The following ZNF804B variants were observed in gnomAD, a reference collection of about 807,000 sequenced individuals.
The protein encoded by ZNF804B is zinc finger 804B.
A neutral mutation model predicts 101.4 loss-of-function variants in ZNF804B; 80 were observed. The ratio of observed to expected loss-of-function variants is 0.79; its 90% CI spans 0.66 to 0.95. The LOEUF is 0.95. Ranked by LOEUF, ZNF804B falls within the 40% of genes least tolerant of loss-of-function variation. The pLI is 0.00. For synonymous variants in ZNF804B, 622 were observed against 558.8 expected, an observed-to-expected ratio of 1.11 and a Z score of -1.59; for missense variants, 1,673 against 1,561.9, an observed-to-expected ratio of 1.07 and a Z score of -1.20.
At chr7:89,060,567 A>C (rs1420851753) in intron 1 of ZNF804B, among the ~76,000 whole-genome samples, 1 of 152,156 alleles carries the variant, frequency 6.6e-6, no homozygotes, top group Non-Finnish European at 1.5e-5. Flanking sequence ...ATCACAGAAG[A>C]GGAGAAAATG....
chr7:89,217,002 T>C (rs1394069149), intron 1 of ZNF804B, among the ~76,000 whole-genome samples: 2 of 152,198 alleles, frequency 1.3e-5, no homozygotes, highest in Non-Finnish European at 2.9e-5. Context: ...ATATAAACCA[T>C]GATTATCCAT....
At chr7:89,003,991 A>C (rs1306225367) in intron 1 of ZNF804B, among the ~76,000 whole-genome samples, 1 of 151,500 alleles carries the variant, frequency 6.6e-6, no homozygotes, top group African/African-American at 2.4e-5. Flanking sequence ...TATTTAAATT[A>C]AAAAGTATGT....
At chr7:89,168,682 C>CTTTTTTT (rs372503661) in intron 1 of ZNF804B, among the ~76,000 whole-genome samples, 3 of 115,784 alleles carry the variant, frequency 2.6e-5, no homozygotes, top group Non-Finnish European at 3.5e-5. Context: ...GAGCTGAATA[C>CTTTTTTT]TTTTTTTTTT....
intron 1 of ZNF804B, among the ~76,000 whole-genome samples, chr7:89,055,394 T>C (rs1004234902): frequency 3.3e-5 from 5 of 152,122 alleles, no homozygotes; most frequent in African/African-American, 1.2e-4. Flanking sequence ...ATCTGATTTG[T>C]AGTTTGGATG....
intron 2 of ZNF804B, among the ~76,000 whole-genome samples, chr7:89,220,920 A>G (rs892537879): frequency 1.3e-5 from 2 of 151,858 alleles, no homozygotes; most frequent in African/African-American, 2.4e-5. Context: ...ATCTTTCAAC[A>G]TTTTCCTTGG....
chr7:88,974,805 A>G (rs1384290164), intron 1 of ZNF804B, among the ~76,000 whole-genome samples: 2 of 151,528 alleles, frequency 1.3e-5, no homozygotes, highest in East Asian at 3.9e-4. Flanking sequence ...CATTCCACTT[A>G]TACTTTATTA....
chr7:89,231,211 G>T (rs971754216), intron 2 of ZNF804B, among the ~76,000 whole-genome samples: 5 of 151,940 alleles, frequency 3.3e-5, no homozygotes, highest in Admixed American at 1.3e-4. Context: ...AATGCTATTT[G>T]TGTCTCATGG....
intron 1 of ZNF804B, among the ~76,000 whole-genome samples, chr7:88,974,608 TA>T (rs1363683896): frequency 3.3e-5 from 5 of 151,478 alleles, no homozygotes; most frequent in African/African-American, 1.2e-4. Context: ...ACAAAAGGTT[TA>T]AAAATTAAAA....
At chr7:89,225,073 G>A (rs763537809) in intron 2 of ZNF804B, among the ~76,000 whole-genome samples, 13 of 151,868 alleles carry the variant, frequency 8.6e-5, no homozygotes, top group African/African-American at 1.9e-4. Context: ...CAGTGTTCTC[G>A]TTCTCTTCAT....
intron 1 of ZNF804B, among the ~76,000 whole-genome samples, chr7:89,158,833 T>C (rs1051528359): frequency 9.8e-5 from 15 of 152,294 alleles, no homozygotes; most frequent in Admixed American, 9.8e-4. Flanking sequence ...ATCACATTGA[T>C]AGTCATTTTA....
rs182223595 is a variant in ZNF804B at position 88,831,363 on chromosome 7, T to C, written c.108+71279T>C. Among the ~76,000 whole-genome samples the C allele has an allele frequency of 3.2e-3, 486 of 152,084 alleles. 3 individuals are homozygous for C. Among genetic ancestry groups the C allele is most frequent in the African/African-American group, 0.011 (445 of 41,554 alleles). ...TATTTTGAAGAGCTATAATGTATTC[T>C]ATGGTAAAATGTTGCCATATTTATT... On this transcript the variant is annotated intron_variant, in intron 1 of 3. Transcript: ENST00000333190.
At chr7:89,319,712 C>G (rs2115965227) in intron 2 of ZNF804B, among the ~76,000 whole-genome samples, 1 of 152,282 alleles carries the variant, frequency 6.6e-6, no homozygotes, top group Non-Finnish European at 1.5e-5. Flanking sequence ...TGCACGCACA[C>G]AGGGCCAGCT....
chr7:89,299,717 A>G (rs540458848), intron 2 of ZNF804B, among the ~76,000 whole-genome samples: 1 of 152,134 alleles, frequency 6.6e-6, no homozygotes, highest in Non-Finnish European at 1.5e-5. Flanking sequence ...GTTTTGAAGT[A>G]ATATTTTGTT....
At chr7:89,100,913 C>T (rs2116338138) in intron 1 of ZNF804B, among the ~76,000 whole-genome samples, 1 of 151,884 alleles carries the variant, frequency 6.6e-6, no homozygotes, top group Admixed American at 6.6e-5. Flanking sequence ...AATGAAGTTT[C>T]AAGGTTATAT....
intron 1 of ZNF804B, among the ~76,000 whole-genome samples, chr7:88,858,644 C>A (rs1180707665): frequency 6.6e-6 from 1 of 151,980 alleles, no homozygotes; most frequent in African/African-American, 2.4e-5. Flanking sequence ...AGGCCAAGTA[C>A]AGACATGATT....
chr7:89,127,379 C>T (rs935918648), intron 1 of ZNF804B, among the ~76,000 whole-genome samples: 2 of 151,168 alleles, frequency 1.3e-5, no homozygotes, highest in Admixed American at 6.7e-5. Context: ...TTTTTTTGAA[C>T]GTTATTGTGT....
chr7:89,070,868 C>T (rs1246437518), intron 1 of ZNF804B, among the ~76,000 whole-genome samples: 1 of 151,120 alleles, frequency 6.6e-6, no homozygotes, highest in Non-Finnish European at 1.5e-5. Context: ...TGTATACTCT[C>T]TTATAATGGC....
In ZNF804B at chr7:88,996,707, T is replaced by G. The variant is rs559384366; in HGVS notation, c.109-221448T>G. ...TTTAAAGCTATATAGAGCTTTGTCT[T>G]ATACATGAATTAAAGCATTTATAAA... On this transcript the variant is annotated intron_variant, in intron 1 of 3. Coordinates refer to ENST00000333190, the MANE Select transcript of ZNF804B (RefSeq NM_181646.5). Among the ~76,000 whole-genome samples the G allele has an allele frequency of 2.0e-5, 3 of 152,250 alleles. No homozygotes were observed. In the East Asian group the frequency reaches 5.8e-4, roughly 29 times the overall value.
chr7:89,062,759 T>C (rs543236045), intron 1 of ZNF804B, among the ~76,000 whole-genome samples: 1 of 152,250 alleles, frequency 6.6e-6, no homozygotes, highest in South Asian at 2.1e-4. Context: ...TTTTCCAGAT[T>C]CATTGAGGCG....
Sources: gnomAD v4.1 joint callset for allele counts (sites outside exome capture counted in the v4.1 genomes callset) on GRCh38, gnomAD v4.1.1 for gene constraint, MANE v1.5 for transcripts, NCBI Gene and HGNC (gene_info 2026-07-23, HGNC 2026-07-21) for gene names.